MRPS25: variants seen among roughly 807,000 people sequenced by gnomAD.
MRPS25 encodes mitochondrial ribosomal protein S25.
A neutral mutation model predicts 17.3 loss-of-function variants in MRPS25; 15 were observed. The ratio of observed to expected loss-of-function variants is 0.87; its 90% CI spans 0.58 to 1.34. MRPS25 has a LOEUF of 1.34. Ranked by LOEUF, MRPS25 falls within the 40% of genes most tolerant of loss-of-function variation. MRPS25 has a pLI of 0.00. For missense variants in MRPS25, 225 were observed against 218.6 expected (o/e 1.03, Z -0.19); for synonymous variants, 94 against 83.3 (o/e 1.13, Z -0.70).
In MRPS25 at chr3:15,052,526, T is replaced by G; in HGVS notation, c.437A>C (p.Gln146Pro). ...LRECICEVEG[Q>P]VPCPSLVPLP... ...TGGCACCAGGCTGGGGCAGGGCACC[T>G]GCCCTTCCACTTCACAGATGCACTC... The change falls in exon 4 of 4, where the codon CAG (glutamine) becomes CCG (proline). Residue 146 changes from glutamine (Q) to proline (P), a missense_variant. Gln to Pro is a moderately conservative substitution (Grantham distance 76). Coordinates refer to ENST00000253686, the MANE Select transcript of MRPS25 (RefSeq NM_022497.5). The G allele has an allele frequency of 6.2e-7, 1 of 1,614,176 alleles. No homozygotes were observed. The highest frequency in any genetic ancestry group is 8.5e-7 in the Non-Finnish European group (1 of 1,180,030).
At chr3:15,042,732 G>C (rs780406001), downstream of MRPS25, 2 of 1,008,528 alleles carry the variant, frequency 2.0e-6, no homozygotes, top group East Asian at 2.4e-5. Context: ...GATCCGTTTG[G>C]TTTGATTCTG....
chr3:15,050,293 C>G lies in MRPS25; in HGVS notation c.*2148G>C. Reference sequence around the variant, plus strand: ...GGGTCTGGGCTGTCCACCTCACTGCCCATTGCTCCTGTGTCAAGCCTGAAC... The same window carrying G: ...GGGTCTGGGCTGTCCACCTCACTGCGCATTGCTCCTGTGTCAAGCCTGAAC... On this transcript the variant is annotated 3_prime_UTR_variant, in exon 4 of 4. Transcript: ENST00000253686. 1 of 1,095,344 alleles carries G rather than the reference C, an allele frequency of 9.1e-7. No homozygotes were observed. The highest frequency in any genetic ancestry group is 1.1e-6 in the Non-Finnish European group (1 of 900,286). 67.9% of individuals were successfully genotyped at this position (1,095,344 alleles called of 1,614,324 possible).
chr3:15,054,192 C>T (rs1044289009), intron 2 of MRPS25, among the ~76,000 whole-genome samples: 2 of 151,170 alleles, frequency 1.3e-5, no homozygotes, highest in Admixed American at 1.3e-4. Flanking sequence ...GTCTGGGCAA[C>T]AGTGTGAGAC....
chr3:15,059,224 G>C, intron 2 of MRPS25, 145 bp downstream of exon 2: 1 of 632,244 alleles, frequency 1.6e-6, no homozygotes. Context: ...GAGTGCCTCG[G>C]TATGGGGAAG....
In MRPS25 at chr3:15,053,413, A is replaced by C. The variant is rs773026556; in HGVS notation, c.296T>G (p.Met99Arg). The C allele has an allele frequency of 1.2e-6, 2 of 1,614,188 alleles. No individual in the cohort carries two copies. The highest frequency in any genetic ancestry group is 4.5e-5 in the East Asian group (2 of 44,884). The change falls in exon 3 of 4, where the codon ATG (methionine) becomes AGG (arginine). Residue 99 changes from methionine to arginine, a missense_variant. Physicochemically the swap from Met to Arg is moderately conservative, Grantham distance 91. Coordinates refer to ENST00000253686, the MANE Select transcript of MRPS25 (RefSeq NM_022497.5). ...CCCCAAGATTTTTCTGATGTGCTCC[A>C]TGATCTCCTTATTGCTCTTGGTCTC... ...DVETKSNKEI[M>R]EHIRKILGKN...
In MRPS25 at chr3:15,052,202, C is replaced by T. The variant is rs73129440; in HGVS notation, c.*239G>A. On this transcript the variant is annotated 3_prime_UTR_variant, in exon 4 of 4. Transcript: ENST00000253686. ...CCTCTTCACTAGGACCAGATACACG[C>T]CAAGCTGCTATTAGGAAGCGTTTTA... is the stretch of plus-strand genomic sequence containing the variant. 5,315 of 1,252,612 alleles carry T rather than the reference C, an allele frequency of 4.2e-3. 179 individuals carry two copies. In the African/African-American group the frequency reaches 0.072, roughly 17 times the overall value. The allele number at this position is 1,252,612 out of a possible 1,614,324, so 77.6% of individuals were successfully genotyped here.
Position 15,052,418 on chromosome 3 carries a change from C to G in MRPS25, c.*23G>C. 6.2e-7 allele frequency: 1 copy of G among 1,604,362 alleles called. No individual in the cohort carries two copies. Among genetic ancestry groups the G allele is most frequent in the Non-Finnish European group, 8.5e-7 (1 of 1,172,620 alleles). ...TCCCCACTGGTCAGACACCATCACC[C>G]CAGCCCACAGTGACCGTGGGCCTTA... On this transcript the variant is annotated 3_prime_UTR_variant, in exon 4 of 4. Coordinates refer to ENST00000253686, the MANE Select transcript of MRPS25 (RefSeq NM_022497.5).
rs781352702 is a variant in MRPS25, at chr3:15,051,328, C to T, written c.*1113G>A. On this transcript the variant is annotated 3_prime_UTR_variant, in exon 4 of 4. Transcript: ENST00000253686. ...CTTCCCAAATAGCTGGGACTACAGA[C>T]GCGAAACACCACACCCATCTAATTT... The T allele has an allele frequency of 1.4e-5, 7 of 511,990 alleles. No individual in the cohort carries two copies. The highest frequency in any genetic ancestry group is 1.7e-4 in the South Asian group (2 of 11,874). The allele number at this position is 511,990 out of a possible 1,614,324, so 31.7% of individuals were successfully genotyped here.
At chr3:15,059,265 T>C (rs2042714822) in intron 2 of MRPS25, 104 bp downstream of exon 2, 2 of 805,136 alleles carry the variant, frequency 2.5e-6, no homozygotes, top group Non-Finnish European at 4.2e-6. Context: ...AGACACACCA[T>C]GACAGCGCAC....
In MRPS25 at chr3:15,050,684, T is replaced by C. The variant is rs2042590351; in HGVS notation, c.*1757A>G. 2 of 985,242 alleles carry C rather than the reference T, an allele frequency of 2.0e-6. No individual in the cohort carries two copies. Among genetic ancestry groups the C allele is most frequent in the Non-Finnish European group, 2.4e-6 (2 of 829,926 alleles). The allele number at this position is 985,242 out of a possible 1,614,324, so 61.0% of individuals were successfully genotyped here. A position where few individuals can be genotyped will look rare whatever the true frequency, so the allele number is the denominator to read the frequency against. On this transcript the variant is annotated 3_prime_UTR_variant, in exon 4 of 4. Coordinates refer to ENST00000253686, the MANE Select transcript of MRPS25 (RefSeq NM_022497.5). ...AAATGCTGATAGCAGAGAGACAAGA[T>C]GCTAGATTTCAATTAAACACTCCCT...
chr3:15,058,815 C>T (rs2042706207), intron 2 of MRPS25, among the ~76,000 whole-genome samples: 2 of 152,096 alleles, frequency 1.3e-5, no homozygotes, highest in Non-Finnish European at 2.9e-5. Context: ...AGCTGCCCTC[C>T]TCGTTTTCCA....
At position 15,056,937 on chromosome 3, in the gene MRPS25, T is replaced by A. The variant is rs1397204859; in HGVS notation, c.241+2432A>T. On this transcript the variant is annotated intron_variant, in intron 2 of 3. Coordinates refer to ENST00000253686, the MANE Select transcript of MRPS25 (RefSeq NM_022497.5). ...GCGGTGCCTGAGAACCTTAAATACATAACTGCTCTGTGACCTGGCAGTTGC... is the reference window on the plus strand; with the variant it reads ...GCGGTGCCTGAGAACCTTAAATACAAAACTGCTCTGTGACCTGGCAGTTGC... 3.9e-5 allele frequency among the ~76,000 whole-genome samples: 6 copies of A among 152,320 alleles called. 1 individual carries two copies. Among genetic ancestry groups the A allele is most frequent in the African/African-American group, 7.2e-5 (3 of 41,566 alleles).
chr3:15,059,820 A>G lies in MRPS25; in HGVS notation c.135-345T>C, dbSNP rs141378790. On this transcript the variant is annotated intron_variant, in intron 1 of 3. Coordinates refer to ENST00000253686, the MANE Select transcript of MRPS25 (RefSeq NM_022497.5). ...CATGAGTGGCAGTTCATGGAGCTGTATACTTACAGGTGTGCACCGTATCTA... is the reference window on the plus strand; with the variant it reads ...CATGAGTGGCAGTTCATGGAGCTGTGTACTTACAGGTGTGCACCGTATCTA... 6.5e-4 allele frequency among the ~76,000 whole-genome samples: 99 copies of G among 152,324 alleles called. No homozygotes were observed. The East Asian group carries it at 6.7e-3, about 10-fold the overall frequency.
chr3:15,059,512 T>C lies in MRPS25; in HGVS notation c.135-37A>G, dbSNP rs548296625. The stretch of plus-strand genomic sequence containing the variant: ...AAGAAATGAAGCCTATGAAACAGAG[T>C]TTTTAGCCTGAAATTTTATGCGTGG... On this transcript the variant is annotated intron_variant, in intron 1 of 3. Coordinates refer to ENST00000253686, the MANE Select transcript of MRPS25 (RefSeq NM_022497.5). 9.1e-6 allele frequency: 13 copies of C among 1,430,862 alleles called. No homozygotes were observed. In the African/African-American group the frequency reaches 1.4e-4, roughly 16 times the overall value. 88.6% of individuals were successfully genotyped at this position (1,430,862 alleles called of 1,614,324 possible). A position where few individuals can be genotyped will look rare whatever the true frequency, so the allele number is the denominator to read the frequency against.
At chr3:15,046,634 C>T (rs994066329), downstream of MRPS25, 8 of 152,288 alleles carry the variant, frequency 5.3e-5, no homozygotes, top group African/African-American at 1.9e-4. Flanking sequence ...AGTCCAGAAG[C>T]TTGTTGCCCA....
In MRPS25 at chr3:15,051,461, G is replaced by A; in HGVS notation, c.*980C>T. ...GCCTCCCAAAGTGCTGGGATTACAGGCATGAGCCACCACACCCAGCCTAGC... is the reference window on the plus strand; with the variant it reads ...GCCTCCCAAAGTGCTGGGATTACAGACATGAGCCACCACACCCAGCCTAGC... On this transcript the variant is annotated 3_prime_UTR_variant, in exon 4 of 4. Coordinates refer to ENST00000253686, the MANE Select transcript of MRPS25 (RefSeq NM_022497.5). 1 of 981,282 alleles carries A rather than the reference G, an allele frequency of 1.0e-6. No homozygotes were observed. Among genetic ancestry groups the A allele is most frequent in the Non-Finnish European group, 1.2e-6 (1 of 826,172 alleles). The allele number at this position is 981,282 out of a possible 1,614,324, so 60.8% of individuals were successfully genotyped here. A position where few individuals can be genotyped will look rare whatever the true frequency, so the allele number is the denominator to read the frequency against.
At chr3:15,064,378 C>A (rs1048022716) in intron 1 of MRPS25, among the ~76,000 whole-genome samples, 1 of 152,144 alleles carries the variant, frequency 6.6e-6, no homozygotes, top group Non-Finnish European at 1.5e-5. Context: ...CTAGGCGTTC[C>A]CTACAGTTCC....
chr3:15,052,608 C>T lies in MRPS25; in HGVS notation c.355G>A (p.Glu119Lys). The change falls in exon 4 of 4, where the codon GAG becomes AAG. Residue 119 changes from glutamate (E) to lysine (K), a missense_variant. Glu to Lys is a moderately conservative substitution (Grantham distance 56). Transcript: ENST00000253686. ...NEETLREEEE[E>K]KKQLSHPANF... ...GCTGGGTGAGAAAGCTGCTTTTTCT[C>T]CTCCTCCTCTTCCCTGAGGGTTTCC... 6.2e-7 allele frequency: 1 copy of T among 1,613,590 alleles called. No individual in the cohort carries two copies.
chr3:15,062,456 C>T (rs1422037550), intron 1 of MRPS25, among the ~76,000 whole-genome samples: 1 of 137,180 alleles, frequency 7.3e-6, no homozygotes, highest in African/African-American at 2.8e-5. Context: ...GGGGGGTCAG[C>T]CCCCTGCCCG....
Sources: allele counts gnomAD v4.1 joint callset (sites outside exome capture counted in the v4.1 genomes callset), GRCh38; gene constraint gnomAD v4.1.1; transcripts MANE v1.5; gene names NCBI Gene and HGNC (gene_info 2026-07-23, HGNC 2026-07-21).